NLGN1: variants seen among roughly 807,000 people sequenced by gnomAD.
NLGN1 encodes neuroligin-1.
In NLGN1, 12 loss-of-function variants were observed where a neutral mutation model predicts 65.5. That is an observed-to-expected ratio of 0.18 (90% CI 0.12 to 0.30). The LOEUF (loss-of-function observed/expected upper bound fraction) is 0.30. Ranked by LOEUF, NLGN1 falls within the 10% of genes least tolerant of loss-of-function variation. The probability of loss-of-function intolerance (pLI) is 1.00; values close to 1 mark genes in which losing one functional copy is unlikely to be tolerated. For synonymous variants in NLGN1, 350 were observed against 359.5 expected, an observed-to-expected ratio of 0.97 and a Z score of 0.30; for missense variants, 750 against 1,007.1, an observed-to-expected ratio of 0.74 and a Z score of 3.46.
At chr3:173,648,705 G>C (rs1758665230) in intron 3 of NLGN1, among the ~76,000 whole-genome samples, 1 of 151,970 alleles carries the variant, frequency 6.6e-6, no homozygotes, top group Non-Finnish European at 1.5e-5. Context: ...TTCCTGAGTA[G>C]CTGAGATTAC....
intron 4 of NLGN1, among the ~76,000 whole-genome samples, chr3:173,834,621 A>C (rs1305948971): frequency 6.6e-6 from 1 of 152,178 alleles, no homozygotes; most frequent in Non-Finnish European, 1.5e-5. Flanking sequence ...TATCTTTGCC[A>C]AACACTATGC....
exon 7 of NLGN1, chr3:174,286,353 T>C (rs1211794749): frequency 6.6e-6 from 1 of 151,454 alleles, no homozygotes; most frequent in Non-Finnish European, 1.5e-5. Flanking sequence ...TTTAAGAAAT[T>C]GGTAAAGGTA....
At chr3:173,397,535 T>A (rs888626722), upstream of NLGN1, among the ~76,000 whole-genome samples, 1 of 151,084 alleles carries the variant, frequency 6.6e-6, no homozygotes, top group Non-Finnish European at 1.5e-5. Context: ...TCTCCCCCAC[T>A]CCACTCCTGC....
chr3:173,533,550 C>T (rs189519321), intron 2 of NLGN1, among the ~76,000 whole-genome samples: 33 of 152,308 alleles, frequency 2.2e-4, no homozygotes, highest in Non-Finnish European at 3.4e-4. Context: ...TCTCCCATGG[C>T]TCTCTCAGAG....
At chr3:173,447,672 T>C (rs1054524603) in intron 2 of NLGN1, among the ~76,000 whole-genome samples, 4 of 152,232 alleles carry the variant, frequency 2.6e-5, no homozygotes, top group Admixed American at 6.5e-5. Context: ...TTTCATGATA[T>C]TGATTCTTCC....
At chr3:174,137,326 T>G (rs2152683038) in intron 4 of NLGN1, among the ~76,000 whole-genome samples, 1 of 152,292 alleles carries the variant, frequency 6.6e-6, no homozygotes, top group Admixed American at 6.5e-5. Context: ...CGTGGTTTCC[T>G]AAGGCTGTTT....
At chr3:173,951,016 G>T (rs555887636) in intron 4 of NLGN1, among the ~76,000 whole-genome samples, 1 of 151,814 alleles carries the variant, frequency 6.6e-6, no homozygotes, top group Non-Finnish European at 1.5e-5. Flanking sequence ...ACAGGAGTGC[G>T]CCACCATGCC....
At chr3:173,660,984 T>C (rs1263531859) in intron 3 of NLGN1, among the ~76,000 whole-genome samples, 2 of 151,988 alleles carry the variant, frequency 1.3e-5, no homozygotes, top group African/African-American at 4.8e-5. Context: ...AAAGGGAGTG[T>C]GAGAGCACTC....
the NLGN1 span, among the ~76,000 whole-genome samples, chr3:174,291,710 A>C: frequency 6.6e-6 from 1 of 151,244 alleles, no homozygotes; most frequent in African/African-American, 2.4e-5. Flanking sequence ...TAAAGAACTC[A>C]GGGAATATTG....
At chr3:174,291,774 G>T in the NLGN1 span, among the ~76,000 whole-genome samples, 4 of 151,122 alleles carry the variant, frequency 2.6e-5, no homozygotes, top group African/African-American at 9.7e-5. Context: ...TAGACAAACA[G>T]AAGGGTGACA....
intron 3 of NLGN1, among the ~76,000 whole-genome samples, chr3:173,693,487 A>T (rs1280464606): frequency 2.0e-5 from 3 of 152,112 alleles, no homozygotes; most frequent in African/African-American, 7.2e-5. Context: ...GTATTAATAG[A>T]GTATTTATAA....
At chr3:173,850,827 C>T (rs1726786293) in intron 4 of NLGN1, among the ~76,000 whole-genome samples, 2 of 152,214 alleles carry the variant, frequency 1.3e-5, no homozygotes, top group Non-Finnish European at 1.5e-5. Context: ...GCTTCAACCT[C>T]CCAGGGCTCA....
intron 1 of NLGN1, among the ~76,000 whole-genome samples, chr3:173,406,916 T>C (rs1404058891): frequency 6.6e-6 from 1 of 152,156 alleles, no homozygotes; most frequent in African/African-American, 2.4e-5. Context: ...AGAAAATCCT[T>C]CTTTTTTATT....
chr3:173,654,981 C>T (rs1759769321), intron 3 of NLGN1, among the ~76,000 whole-genome samples: 1 of 152,162 alleles, frequency 6.6e-6, no homozygotes, highest in African/African-American at 2.4e-5. Flanking sequence ...TTTCAGATCT[C>T]AGCTCTTCCA....
intron 4 of NLGN1, among the ~76,000 whole-genome samples, chr3:174,213,370 T>C (rs1490559709): frequency 6.6e-6 from 1 of 152,198 alleles, no homozygotes; most frequent in African/African-American, 2.4e-5. Context: ...GATAAACACA[T>C]GTCAAATATT....
At chr3:174,008,097 T>C (rs941110312) in intron 4 of NLGN1, among the ~76,000 whole-genome samples, 18 of 152,166 alleles carry the variant, frequency 1.2e-4, no homozygotes, top group East Asian at 7.7e-4. Context: ...GCTTATGCTG[T>C]GGTAATAACC....
intron 3 of NLGN1, among the ~76,000 whole-genome samples, chr3:173,722,533 G>T (rs887421380): frequency 1.2e-4 from 18 of 151,878 alleles, no homozygotes; most frequent in African/African-American, 4.1e-4. Flanking sequence ...AGCCACCGCA[G>T]CTGGCCAACT....
intron 4 of NLGN1, among the ~76,000 whole-genome samples, chr3:173,848,078 G>T (rs1321323722): frequency 6.6e-6 from 1 of 152,134 alleles, no homozygotes; most frequent in Non-Finnish European, 1.5e-5. Flanking sequence ...CCTGGGTTCA[G>T]ATTATAGAGT....
intron 4 of NLGN1, among the ~76,000 whole-genome samples, chr3:173,880,585 T>TTTTTAATTTAAAAATTAATTTAAAA (rs1473915146): frequency 2.0e-5 from 3 of 151,090 alleles, no homozygotes; most frequent in Non-Finnish European, 3.0e-5. Flanking sequence ...AATATATATA[T>TTTTTAATTTAAAAATTAATTTAAAA]ATTAATTTAA....
Sources: gnomAD v4.1 joint callset for allele counts (sites outside exome capture counted in the v4.1 genomes callset) on GRCh38, gnomAD v4.1.1 for gene constraint, MANE v1.5 for transcripts, NCBI Gene and HGNC (gene_info 2026-07-23, HGNC 2026-07-21) for gene names.